Variants in MKLN1 observed in about 807,000 individuals in gnomAD.
MKLN1 encodes muskelin.
MKLN1 carries 18 observed loss-of-function variants against 99.0 expected under a neutral mutation model. The observed-to-expected ratio is 0.18, with a 90% CI of 0.13 to 0.27. MKLN1 has a LOEUF of 0.27. Ranked by LOEUF, MKLN1 falls within the 10% of genes least tolerant of loss-of-function variation. The pLI, the probability that MKLN1 is intolerant of heterozygous loss-of-function variation, is 1.00. For missense variants in MKLN1, 621 were observed against 875.9 expected (o/e 0.71, Z 3.67); for synonymous variants, 288 against 293.2 (o/e 0.98, Z 0.18).
chr7:131,211,888 C>T (rs1273083498), intron 3 of MKLN1, among the ~76,000 whole-genome samples: 2 of 152,178 alleles, frequency 1.3e-5, no homozygotes, highest in Admixed American at 6.5e-5. Flanking sequence ...TTTGGAGAAG[C>T]TTTACTAGTG....
chr7:131,327,931 C>T lies in MKLN1; in HGVS notation c.32C>T (p.Pro11Leu), dbSNP rs913197197. 1 of 1,613,254 alleles carries T rather than the reference C, an allele frequency of 6.2e-7. No homozygotes were observed. The highest frequency in any genetic ancestry group is 1.3e-5 in the African/African-American group (1 of 74,878). Reference protein sequence around the residue: MAAGGAVAAAPECRLLPYALH... With the variant: MAAGGAVAAALECRLLPYALH... The stretch of plus-strand genomic sequence containing the variant: ...GCTGGCGGAGCTGTCGCTGCGGCGC[C>T]CGAGTGCCGGCTTCTCCCCTACGCG... Residue 11 changes from proline to leucine, a missense_variant, in exon 1 of 18, where the codon CCC becomes CTC. Coordinates refer to ENST00000352689, the MANE Select transcript of MKLN1 (RefSeq NM_013255.5).
intron 2 of MKLN1, among the ~76,000 whole-genome samples, chr7:131,167,295 T>C (rs1361106354): frequency 6.6e-6 from 1 of 152,178 alleles, no homozygotes; most frequent in Non-Finnish European, 1.5e-5. Flanking sequence ...GCAGTAAGTA[T>C]AAAGAGTCAT....
chr7:131,145,029 G>C (rs1487988493), intron 2 of MKLN1, among the ~76,000 whole-genome samples: 1 of 152,110 alleles, frequency 6.6e-6, no homozygotes, highest in Non-Finnish European at 1.5e-5. Flanking sequence ...CAAAGAGGCT[G>C]ATGCATATTC....
At chr7:131,146,470 A>T (rs973042993) in intron 2 of MKLN1, among the ~76,000 whole-genome samples, 2 of 152,244 alleles carry the variant, frequency 1.3e-5, no homozygotes, top group African/African-American at 4.8e-5. Flanking sequence ...CAAAGGGTGG[A>T]TGATTCTATA....
chr7:131,120,658 C>T (rs1795354536), intron 1 of MKLN1, among the ~76,000 whole-genome samples: 1 of 152,096 alleles, frequency 6.6e-6, no homozygotes, highest in Non-Finnish European at 1.5e-5. Flanking sequence ...GGCATAATGC[C>T]ACCAATCTCT....
intron 3 of MKLN1, among the ~76,000 whole-genome samples, chr7:131,219,851 C>T (rs1797035730): frequency 6.6e-6 from 1 of 152,084 alleles, no homozygotes; most frequent in Non-Finnish European, 1.5e-5. Context: ...TTTCCTCATA[C>T]TTACTTCAGC....
At chr7:131,304,667 A>G (rs977643239) in intron 3 of MKLN1, among the ~76,000 whole-genome samples, 3 of 152,200 alleles carry the variant, frequency 2.0e-5, no homozygotes, top group African/African-American at 4.8e-5. Context: ...TGATCCTGGT[A>G]AGCTGAAGGA....
chr7:131,307,615 C>T (rs1010008851), intron 3 of MKLN1, among the ~76,000 whole-genome samples: 1 of 152,196 alleles, frequency 6.6e-6, no homozygotes, highest in Non-Finnish European at 1.5e-5. Context: ...TATTTTGGAG[C>T]TTGAAGATTT....
chr7:131,299,832 G>A (rs1459948265), intron 3 of MKLN1, among the ~76,000 whole-genome samples: 5 of 152,140 alleles, frequency 3.3e-5, no homozygotes, highest in African/African-American at 4.8e-5. Context: ...TTCAGCAATC[G>A]AGAATTACTG....
chr7:131,408,116 T>C (rs547689356), intron 6 of MKLN1, among the ~76,000 whole-genome samples: 59 of 152,268 alleles, frequency 3.9e-4, no homozygotes, highest in African/African-American at 1.3e-3. Context: ...ATGATTAATT[T>C]GCTTAAGATG....
chr7:131,137,355 C>T (rs981637891), intron 1 of MKLN1, among the ~76,000 whole-genome samples: 1 of 151,996 alleles, frequency 6.6e-6, no homozygotes, highest in African/African-American at 2.4e-5. Flanking sequence ...GAATTTGTAC[C>T]TATAATGGTT....
intron 3 of MKLN1, among the ~76,000 whole-genome samples, chr7:131,220,238 C>T (rs1320850936): frequency 6.6e-6 from 1 of 152,160 alleles, no homozygotes. Flanking sequence ...TTCTAGTCCC[C>T]ATCCTATCAT....
intron 12 of MKLN1, among the ~76,000 whole-genome samples, chr7:131,461,463 G>T (rs1459255759): frequency 1.3e-5 from 2 of 151,980 alleles, no homozygotes; most frequent in East Asian, 3.9e-4. Flanking sequence ...TGGTGTGTGT[G>T]TGTGTGTATA....
In MKLN1 at chr7:131,494,531, TC is replaced by T. The variant is rs1160463808; in HGVS notation, c.*6805del. ...CCAAAAGGTTACTTAGGAGTAGTCT[TC>T]CGTGGGGGAAGATAAATTTATTAAA... On this transcript the variant is annotated 3_prime_UTR_variant, in exon 18 of 18. Transcript: ENST00000352689. The T allele has an allele frequency of 6.6e-6, 1 of 152,170 alleles. No individual in the cohort carries two copies. The highest frequency in any genetic ancestry group is 6.5e-5 in the Admixed American group (1 of 15,278). The allele number at this position is 152,170 out of a possible 1,614,324, so 9.4% of individuals were successfully genotyped here.
At chr7:131,171,650 G>T (rs1268637604) in intron 2 of MKLN1, among the ~76,000 whole-genome samples, 3 of 151,944 alleles carry the variant, frequency 2.0e-5, no homozygotes, top group South Asian at 2.1e-4. Flanking sequence ...TGGAGACAGG[G>T]TTTCACCATG....
Position 131,121,638 on chromosome 7 carries a change from C to CAAAAAAAAAAAAA in MKLN1, c.-419+11449_-419+11461dup, listed in dbSNP as rs55908773. Among the ~76,000 whole-genome samples the CAAAAAAAAAAAAA allele has an allele frequency of 1.1e-3, 78 of 72,800 alleles. 2 individuals carry two copies. Among genetic ancestry groups the CAAAAAAAAAAAAA allele is most frequent in the East Asian group, 5.3e-3 (15 of 2,814 alleles). 47.8% of individuals were successfully genotyped at this position (72,800 alleles called of 152,430 possible). On this transcript the variant is annotated intron_variant, in intron 1 of 7. Transcript: ENST00000416992. Reference sequence around the variant, plus strand: ...TGAGTGACAGAGCAAGACTCCGTCTCAAAAAAAAAAAAAAAAAAAAAAAAA... The same window carrying CAAAAAAAAAAAAA: ...TGAGTGACAGAGCAAGACTCCGTCTCAAAAAAAAAAAAAAAAAAAAAAAAAAAAAAAAAAAAAA...
intron 2 of MKLN1, among the ~76,000 whole-genome samples, chr7:131,150,343 T>C (rs567613622): frequency 6.6e-6 from 1 of 152,094 alleles, no homozygotes; most frequent in East Asian, 1.9e-4. Flanking sequence ...ACAAATTAGC[T>C]GGGCATGGTG....
intron 1 of MKLN1, among the ~76,000 whole-genome samples, chr7:131,115,045 T>G (rs777998592): frequency 6.6e-6 from 1 of 151,962 alleles, no homozygotes; most frequent in Non-Finnish European, 1.5e-5. Context: ...AAAATGGGGA[T>G]AGTAGCCAAA....
At position 131,495,615 on chromosome 7, in the gene MKLN1, G is replaced by C. The variant is rs1406185018; in HGVS notation, c.*7887G>C. On this transcript the variant is annotated 3_prime_UTR_variant, in exon 18 of 18. Transcript: ENST00000352689. ...AAAGATTAAAAAAAAAATTAACACA[G>C]CCATTCCATTGTTTTTTACCACATG... The C allele has an allele frequency of 6.6e-6, 1 of 151,902 alleles. No homozygotes were observed. The highest frequency in any genetic ancestry group is 1.5e-5 in the Non-Finnish European group (1 of 68,004). 9.4% of individuals were successfully genotyped at this position (151,902 alleles called of 1,614,324 possible). A position where few individuals can be genotyped will look rare whatever the true frequency, so the allele number is the denominator to read the frequency against.
Sources: gnomAD v4.1 joint callset for allele counts (sites outside exome capture counted in the v4.1 genomes callset) on GRCh38, gnomAD v4.1.1 for gene constraint, MANE v1.5 for transcripts, NCBI Gene and HGNC (gene_info 2026-07-23, HGNC 2026-07-21) for gene names.